Variants in NKAIN3 observed in about 807,000 individuals in gnomAD.
The protein encoded by NKAIN3 is sodium/potassium transporting ATPase interacting 3.
Under a neutral mutation model 30.2 loss-of-function variants are expected in NKAIN3, and 25 were observed. That is an observed-to-expected ratio of 0.83 (90% CI 0.60 to 1.16). NKAIN3 has a LOEUF of 1.16. Ranked by LOEUF, NKAIN3 falls within the 50% of genes most tolerant of loss-of-function variation. The pLI is 0.00. For missense variants in NKAIN3, 225 were observed against 254.1 expected (o/e 0.89, Z 0.78); for synonymous variants, 91 against 89.6 (o/e 1.02, Z -0.09).
At chr8:62,901,786 C>T (rs1299540650) in intron 4 of NKAIN3, among the ~76,000 whole-genome samples, 1 of 152,218 alleles carries the variant, frequency 6.6e-6, no homozygotes, top group Non-Finnish European at 1.5e-5. Context: ...CTTTCTCTTA[C>T]ATTCTCCTGA....
At chr8:62,607,824 C>G (rs1811173615) in intron 3 of NKAIN3, among the ~76,000 whole-genome samples, 1 of 152,062 alleles carries the variant, frequency 6.6e-6, no homozygotes, top group Non-Finnish European at 1.5e-5. Context: ...TATTTAAACA[C>G]CATGAAGTAT....
chr8:62,492,629 A>G (rs1807106557), intron 1 of NKAIN3, among the ~76,000 whole-genome samples: 1 of 152,174 alleles, frequency 6.6e-6, no homozygotes, highest in Non-Finnish European at 1.5e-5. Flanking sequence ...CTTACTTGTT[A>G]CTTCGCAAAT....
At chr8:62,722,611 G>A (rs909080132) in intron 3 of NKAIN3, among the ~76,000 whole-genome samples, 4 of 152,128 alleles carry the variant, frequency 2.6e-5, no homozygotes, top group African/African-American at 9.7e-5. Flanking sequence ...ATTACTTACC[G>A]TCAAATCAAG....
chr8:62,472,580 A>G (rs2129600097), intron 1 of NKAIN3, among the ~76,000 whole-genome samples: 1 of 152,298 alleles, frequency 6.6e-6, no homozygotes, highest in East Asian at 1.9e-4. Context: ...AGCAGCCGGC[A>G]GGCTTTAGCT....
chr8:62,445,162 T>C (rs1805442780), intron 1 of NKAIN3, among the ~76,000 whole-genome samples: 1 of 152,136 alleles, frequency 6.6e-6, no homozygotes, highest in African/African-American at 2.4e-5. Context: ...GCCAGGATGG[T>C]CTCAATCTCT....
At chr8:62,307,368 C>G (rs1406980324) in intron 1 of NKAIN3, among the ~76,000 whole-genome samples, 1 of 149,574 alleles carries the variant, frequency 6.7e-6, no homozygotes, top group East Asian at 1.9e-4. Context: ...TCTCCCTCCT[C>G]TCTCTCTCCT....
At chr8:62,808,641 T>C (rs1375802005) in intron 4 of NKAIN3, among the ~76,000 whole-genome samples, 3 of 152,038 alleles carry the variant, frequency 2.0e-5, no homozygotes, top group Non-Finnish European at 4.4e-5. Flanking sequence ...AACCAGCAAG[T>C]TTTTATTAGT....
At chr8:62,931,519 C>A (rs1389719061) in intron 5 of NKAIN3, among the ~76,000 whole-genome samples, 1 of 152,164 alleles carries the variant, frequency 6.6e-6, no homozygotes, top group African/African-American at 2.4e-5. Context: ...TAGTTAATTT[C>A]ATGTGTTAGA....
intron 1 of NKAIN3, among the ~76,000 whole-genome samples, chr8:62,463,437 C>T (rs886734662): frequency 6.6e-6 from 1 of 152,132 alleles, no homozygotes; most frequent in Non-Finnish European, 1.5e-5. Context: ...TAAGTCTTGT[C>T]GTGGAAGCTA....
At chr8:62,919,226 A>ATTTTTTTTTTTT (rs1415475110) in intron 5 of NKAIN3, among the ~76,000 whole-genome samples, 10 of 88,438 alleles carry the variant, frequency 1.1e-4, no homozygotes, top group African/African-American at 3.0e-4. Context: ...TTACTTTCAA[A>ATTTTTTTTTTTT]ATTTTTTTTT....
At chr8:62,622,061 T>C (rs537733222) in intron 3 of NKAIN3, among the ~76,000 whole-genome samples, 26 of 152,166 alleles carry the variant, frequency 1.7e-4, no homozygotes, top group African/African-American at 6.3e-4. Flanking sequence ...CATATAGCCT[T>C]TAGGGATGAG....
chr8:62,891,375 G>A (rs1282574208), intron 4 of NKAIN3, among the ~76,000 whole-genome samples: 4 of 152,184 alleles, frequency 2.6e-5, no homozygotes, highest in African/African-American at 9.7e-5. Context: ...GGGACACTCT[G>A]GCCTTTGGCC....
intron 1 of NKAIN3, among the ~76,000 whole-genome samples, chr8:62,300,943 A>G (rs1251500787): frequency 1.3e-5 from 2 of 152,146 alleles, no homozygotes; most frequent in South Asian, 2.1e-4. Flanking sequence ...ACAGTGCAGT[A>G]TAAGAAAACA....
chr8:62,955,391 T>C (rs1823393036), intron 6 of NKAIN3, among the ~76,000 whole-genome samples: 1 of 152,158 alleles, frequency 6.6e-6, no homozygotes, highest in Admixed American at 6.6e-5. Flanking sequence ...GGGGAACTTG[T>C]CAGGGATTGT....
chr8:62,735,358 CTTTCTTTCTTTCTTTCTTTCTTT>C (rs1401813394), intron 3 of NKAIN3, among the ~76,000 whole-genome samples: 1 of 12,404 alleles, frequency 8.1e-5, no homozygotes, highest in African/African-American at 3.0e-4. Context: ...TTCTTTCTTT[CTTTCTTTCTTTCTTTCTTTCTTT>C]TTTTTTTTTT....
chr8:62,883,290 T>C (rs570483818), intron 4 of NKAIN3, among the ~76,000 whole-genome samples: 7 of 152,230 alleles, frequency 4.6e-5, no homozygotes, highest in South Asian at 2.1e-4. Flanking sequence ...GTTAGATTTA[T>C]ACCTAAGTAT....
At chr8:62,392,671 A>C (rs1416429745) in intron 1 of NKAIN3, among the ~76,000 whole-genome samples, 3 of 152,026 alleles carry the variant, frequency 2.0e-5, no homozygotes, top group South Asian at 4.1e-4. Context: ...GTATGAAAAA[A>C]AGAAAACCTG....
intron 1 of NKAIN3, among the ~76,000 whole-genome samples, chr8:62,492,533 C>T (rs1438902833): frequency 6.6e-6 from 1 of 152,044 alleles, no homozygotes; most frequent in East Asian, 1.9e-4. Context: ...CGAGGTGGTA[C>T]CCAACTCTGT....
At chr8:62,563,673 G>A (rs979265833) in intron 1 of NKAIN3, among the ~76,000 whole-genome samples, 2 of 152,100 alleles carry the variant, frequency 1.3e-5, no homozygotes, top group Admixed American at 1.3e-4. Context: ...AGCTAACTGG[G>A]TTGATATAAG....
Sources: allele counts gnomAD v4.1 joint callset (sites outside exome capture counted in the v4.1 genomes callset), GRCh38; gene constraint gnomAD v4.1.1; transcripts MANE v1.5; gene names NCBI Gene and HGNC (gene_info 2026-07-23, HGNC 2026-07-21).